Variants in MTUS2 observed in about 807,000 individuals in gnomAD.
MTUS2 encodes the protein microtubule associated scaffold protein 2.
Under a neutral mutation model 114.1 loss-of-function variants are expected in MTUS2, and 40 were observed. The observed-to-expected ratio is 0.35, with a 90% confidence interval of 0.27 to 0.46. The LOEUF (loss-of-function observed/expected upper bound fraction) is 0.46. Among genes scored for constraint, MTUS2 ranks in the 20% least tolerant of loss-of-function variants. The pLI is 1.00. For missense variants in MTUS2, 1,679 were observed against 1,705.4 expected (o/e 0.98, Z 0.27); for synonymous variants, 688 against 672.0 (o/e 1.02, Z -0.37).
intron 5 of MTUS2, among the ~76,000 whole-genome samples, chr13:29,261,946 T>A (rs1017451296): frequency 7.2e-5 from 11 of 152,244 alleles, no homozygotes; most frequent in Admixed American, 7.2e-4. Context: ...GGTCTCTTGA[T>A]ATATTAGCCT....
intron 9 of MTUS2, among the ~76,000 whole-genome samples, chr13:29,473,603 A>G (rs976720229): frequency 6.6e-6 from 1 of 152,218 alleles, no homozygotes; most frequent in Non-Finnish European, 1.5e-5. Context: ...ATGCAGTTTT[A>G]ATAATATTTT....
At chr13:29,318,988 C>G (rs1435461067) in intron 6 of MTUS2, among the ~76,000 whole-genome samples, 1 of 152,138 alleles carries the variant, frequency 6.6e-6, no homozygotes, top group Non-Finnish European at 1.5e-5. Context: ...CATTTCTTTC[C>G]CTCCTGCTGC....
intron 6 of MTUS2, among the ~76,000 whole-genome samples, chr13:29,310,274 A>G (rs1899693670): frequency 6.6e-6 from 1 of 152,234 alleles, no homozygotes; most frequent in African/African-American, 2.4e-5. Context: ...CAGGTCACAC[A>G]GCTAAGGACA....
chr13:29,232,744 C>A (rs1896384585), intron 5 of MTUS2, among the ~76,000 whole-genome samples: 1 of 152,086 alleles, frequency 6.6e-6, no homozygotes, highest in African/African-American at 2.4e-5. Context: ...CTCACGTTAC[C>A]TATGATTCAG....
At chr13:29,087,395 G>C (rs535134222) in intron 4 of MTUS2, among the ~76,000 whole-genome samples, 2 of 152,114 alleles carry the variant, frequency 1.3e-5, no homozygotes, top group Admixed American at 6.5e-5. Context: ...TTATGTGGTC[G>C]ATCACAATTA....
intron 9 of MTUS2, chr13:29,476,888 T>G (rs181359296): frequency 6.9e-4 from 105 of 152,344 alleles, no homozygotes; most frequent in African/African-American, 2.5e-3. Flanking sequence ...ACTGACCGTC[T>G]TTTCATGTTC....
chr13:29,008,631 A>G (rs1885703979), intron 2 of MTUS2, among the ~76,000 whole-genome samples: 1 of 152,256 alleles, frequency 6.6e-6, no homozygotes, highest in Non-Finnish European at 1.5e-5. Flanking sequence ...TTAGCAAGAT[A>G]TAGAGTTCTA....
chr13:29,004,098 G>T (rs1404082898), intron 2 of MTUS2, among the ~76,000 whole-genome samples: 1 of 152,144 alleles, frequency 6.6e-6, no homozygotes, highest in Non-Finnish European at 1.5e-5. Context: ...TAGGAAGTTG[G>T]TTTGGTTCCT....
chr13:29,285,987 G>A (rs1048131838), intron 6 of MTUS2, among the ~76,000 whole-genome samples: 26 of 152,120 alleles, frequency 1.7e-4, no homozygotes, highest in African/African-American at 5.3e-4. Context: ...ATGCAGTGGC[G>A]TGATCTTGGC....
chr13:28,852,357 A>G (rs1054099899), intron 2 of MTUS2, among the ~76,000 whole-genome samples: 2 of 151,750 alleles, frequency 1.3e-5, no homozygotes, highest in African/African-American at 4.8e-5. Flanking sequence ...ATTTCCCCAC[A>G]CCTTGGATGG....
At chr13:29,484,119 C>T (rs1881413704) in intron 10 of MTUS2, 1 of 152,254 alleles carries the variant, frequency 6.6e-6, no homozygotes, top group Non-Finnish European at 1.5e-5. Context: ...AGAGATTCCT[C>T]CTCCATAGGG....
At chr13:29,403,290 G>C (rs746372265) in intron 8 of MTUS2, among the ~76,000 whole-genome samples, 14 of 152,056 alleles carry the variant, frequency 9.2e-5, no homozygotes, top group Non-Finnish European at 1.8e-4. Flanking sequence ...TTACCCTCCT[G>C]ATTCCTTCCT....
At chr13:29,180,212 T>C (rs1475135527) in intron 5 of MTUS2, among the ~76,000 whole-genome samples, 1 of 152,230 alleles carries the variant, frequency 6.6e-6, no homozygotes, top group Non-Finnish European at 1.5e-5. Context: ...ATAAGCACTT[T>C]GTCATGGCTG....
intron 8 of MTUS2, among the ~76,000 whole-genome samples, chr13:29,389,435 G>GTA (rs1433568537): frequency 5.8e-5 from 3 of 51,876 alleles, no homozygotes; most frequent in Admixed American, 2.6e-4. Context: ...ATACACGTGT[G>GTA]TGTATGTGTA....
intron 2 of MTUS2, among the ~76,000 whole-genome samples, chr13:28,847,095 C>G (rs1368521438): frequency 6.6e-6 from 1 of 152,152 alleles, no homozygotes; most frequent in Non-Finnish European, 1.5e-5. Context: ...GAGTTCATGT[C>G]CTCGTCAGGT....
rs182023239 is a variant in MTUS2, at chr13:29,099,371, A to G, written c.2447-1402A>G. ...CCATCCTAGTCCTGACTCAGGCATC[A>G]GGAACCCACAGCTGTGCAGCTTCTG... On this transcript the variant is annotated intron_variant, in intron 4 of 15. Coordinates refer to ENST00000612955, the MANE Select transcript of MTUS2 (RefSeq NM_001033602.4). Among the ~76,000 whole-genome samples the G allele has an allele frequency of 6.1e-3, 927 of 152,312 alleles. 9 individuals carry two copies. Among genetic ancestry groups the G allele is most frequent in the African/African-American group, 0.021 (866 of 41,574 alleles).
rs566681772 is a variant in MTUS2 at position 29,378,397 on chromosome 13, ATGAGG to A, written c.3117+18925_3117+18929del. Among the ~76,000 whole-genome samples the A allele has an allele frequency of 1.5e-4, 23 of 152,042 alleles. No homozygotes were observed. In the South Asian group the frequency reaches 4.8e-3, roughly 32 times the overall value. On this transcript the variant is annotated intron_variant, in intron 8 of 15. Coordinates refer to ENST00000612955, the MANE Select transcript of MTUS2 (RefSeq NM_001033602.4). ...GTTAAACATATTTGTGCTCCGTGGGATGAGGGTCTCACTTGTTTGTGGGAACTGAT... is the reference window on the plus strand; with the variant it reads ...GTTAAACATATTTGTGCTCCGTGGGAGTCTCACTTGTTTGTGGGAACTGAT...
At chr13:29,224,250 C>T (rs1015568906) in intron 5 of MTUS2, among the ~76,000 whole-genome samples, 11 of 152,302 alleles carry the variant, frequency 7.2e-5, no homozygotes, top group Middle Eastern at 3.4e-3. Flanking sequence ...CAAGTGCTCT[C>T]GTAGTACCTT....
intron 6 of MTUS2, chr13:29,307,441 C>A: frequency 7.6e-7 from 1 of 1,315,030 alleles, no homozygotes; most frequent in South Asian, 1.2e-5. Flanking sequence ...CAAGGTCATC[C>A]CTGAGCTGAA....
Sources: allele counts gnomAD v4.1 joint callset (sites outside exome capture counted in the v4.1 genomes callset), GRCh38; gene constraint gnomAD v4.1.1; transcripts MANE v1.5; gene names NCBI Gene and HGNC (gene_info 2026-07-23, HGNC 2026-07-21).